Variants in MYH11 observed in about 807,000 individuals in gnomAD.
The protein encoded by MYH11 is myosin-11.
Under a neutral mutation model 246.6 loss-of-function variants are expected in MYH11, and 80 were observed. The ratio of observed to expected loss-of-function variants is 0.32; its 90% CI spans 0.27 to 0.39. The LOEUF (loss-of-function observed/expected upper bound fraction) is 0.39, where lower values mean the gene tolerates loss of function less well. Among genes scored for constraint, MYH11 ranks in the 10% least tolerant of loss-of-function variants. MYH11 has a pLI of 1.00. For synonymous variants in MYH11, 1,071 were observed against 1,015.5 expected (o/e 1.05, Z -1.04); for missense variants, 2,158 against 2,546.8 (o/e 0.85, Z 3.29).
chr16:15,760,751 C>T, intron 10 of MYH11, 93 bp from the exon 11 acceptor site: 1 of 920,136 alleles, frequency 1.1e-6, no homozygotes, highest in Non-Finnish European at 1.8e-6. Context: ...TCTGTGAATA[C>T]AGCGGGTTCT....
intron 28 of MYH11, chr16:15,725,959 C>T (rs2040732459): frequency 8.5e-6 from 3 of 353,688 alleles, no homozygotes; most frequent in Non-Finnish European, 1.0e-5. Context: ...GTACTATCTC[C>T]CCCTACCCCC....
intron 1 of MYH11, among the ~76,000 whole-genome samples, chr16:15,851,140 C>T (rs1477210081): frequency 3.9e-5 from 6 of 152,096 alleles, no homozygotes; most frequent in African/African-American, 1.4e-4. Flanking sequence ...ACACAATTCG[C>T]CAGCTGGAAG....
chr16:15,704,087 C>T lies in MYH11; in HGVS notation c.5823G>A (p.Arg1941=), dbSNP rs764375446. 27 of 1,614,022 alleles carry T rather than the reference C, an allele frequency of 1.7e-5. No individual in the cohort carries two copies. Among genetic ancestry groups the T allele is most frequent in the Non-Finnish European group, 1.9e-5 (22 of 1,180,046 alleles). The change falls in exon 41 of 41, where the codon AGG becomes AGA. Residue 1941 remains arginine (R), a synonymous_variant. Transcript: ENST00000300036. ...GNETSFVPSR[R]SGGRRVIENA... Reference sequence around the variant, plus strand: ...TTTCAATAACTCTACGTCCTCCAGACCTTCTAGAAGGAACGAAAGAGGTCT... The same window carrying T: ...TTTCAATAACTCTACGTCCTCCAGATCTTCTAGAAGGAACGAAAGAGGTCT...
At chr16:15,803,192 T>C (rs905719220) in intron 3 of MYH11, among the ~76,000 whole-genome samples, 1 of 151,808 alleles carries the variant, frequency 6.6e-6, no homozygotes, top group Non-Finnish European at 1.5e-5. Context: ...CATTATACTC[T>C]GGAGACAGAC....
At chr16:15,784,661 T>G (rs751435526) in intron 5 of MYH11, 5 of 1,612,478 alleles carry the variant, frequency 3.1e-6, no homozygotes, top group Non-Finnish European at 4.2e-6. Flanking sequence ...ACTCCGTGCC[T>G]CCCCTACACA....
intron 6 of MYH11, 83 bp downstream of exon 6, chr16:15,782,302 C>G (rs1247801352): frequency 8.3e-7 from 1 of 1,208,542 alleles, no homozygotes; most frequent in Admixed American, 1.7e-5. Context: ...CCCCTCCCAC[C>G]TCTGCACGCA....
intron 1 of MYH11, among the ~76,000 whole-genome samples, chr16:15,843,341 A>T (rs1225033431): frequency 6.6e-6 from 1 of 151,652 alleles, no homozygotes; most frequent in Non-Finnish European, 1.5e-5. Context: ...ACTGTACTCC[A>T]GCCTGGACAA....
chr16:15,754,928 C>CGTGG (rs2041671560), intron 14 of MYH11, among the ~76,000 whole-genome samples: 2 of 152,150 alleles, frequency 1.3e-5, no homozygotes, highest in South Asian at 4.1e-4. Flanking sequence ...TCAAGTAATC[C>CGTGG]ACCTGCCTTG....
chr16:15,706,379 T>G (rs1413318073), intron 40 of MYH11, among the ~76,000 whole-genome samples: 1 of 152,028 alleles, frequency 6.6e-6, no homozygotes, highest in East Asian at 1.9e-4. Flanking sequence ...CCCACACAGC[T>G]CTCTTCGTCA....
intron 3 of MYH11, among the ~76,000 whole-genome samples, chr16:15,817,095 C>A (rs533852610): frequency 2.1e-4 from 32 of 152,156 alleles, no homozygotes; most frequent in Non-Finnish European, 3.1e-4. Context: ...AAACCTCATA[C>A]ACTAGAAACC....
intron 4 of MYH11, among the ~76,000 whole-genome samples, chr16:15,789,080 C>T (rs2042550727): frequency 1.3e-5 from 2 of 152,108 alleles, no homozygotes; most frequent in South Asian, 4.1e-4. Flanking sequence ...CCTCTTCCTG[C>T]TTCCATGTTA....
chr16:15,794,053 C>T (rs1188969454), intron 4 of MYH11, among the ~76,000 whole-genome samples: 1 of 149,248 alleles, frequency 6.7e-6, no homozygotes, highest in Non-Finnish European at 1.5e-5. Flanking sequence ...ACACCATTCT[C>T]CTGCCTCAGC....
chr16:15,727,009 T>C lies in MYH11; in HGVS notation c.3697A>G (p.Asn1233Asp), dbSNP rs2040799314. ...DKNKQTLEKE[N>D]ADLAGELRVL... ...CGCAGCTCCCCGGCCAGGTCTGCGTTCTCTTTCTCCAGCGTCTGCTTATTC... is the reference window on the plus strand; with the variant it reads ...CGCAGCTCCCCGGCCAGGTCTGCGTCCTCTTTCTCCAGCGTCTGCTTATTC... The change falls in exon 28 of 41, where the codon AAC becomes GAC. Residue 1233 changes from asparagine to aspartate, a missense_variant. Physicochemically the swap from Asn to Asp is conservative, Grantham distance 23 (BLOSUM62 1). Around this residue, in one of 11 missense-constraint regions of MYH11, gnomAD observed 1,013 missense variants for 993.5 expected, o/e 1.02. Coordinates refer to ENST00000300036, the MANE Select transcript of MYH11 (RefSeq NM_002474.3). 6.2e-7 allele frequency: 1 copy of C among 1,611,860 alleles called. No homozygotes were observed.
chr16:15,703,952 T>C lies in MYH11; in HGVS notation c.*39A>G. The C allele has an allele frequency of 6.2e-7, 1 of 1,613,690 alleles. No homozygotes were observed. The highest frequency in any genetic ancestry group is 8.5e-7 in the Non-Finnish European group (1 of 1,179,804). On this transcript the variant is annotated 3_prime_UTR_variant, in exon 41 of 41. Coordinates refer to ENST00000300036, the MANE Select transcript of MYH11 (RefSeq NM_002474.3). The stretch of plus-strand genomic sequence containing the variant: ...TTTTTTTGTTTGTTTGTTTTGGTTT[T>C]TGGTTTTCTTGCCGTGGTGCAAAAC...
rs114523480 is a variant in MYH11, at chr16:15,804,177, T to G, written c.503-5490A>C. 2.4e-3 allele frequency among the ~76,000 whole-genome samples: 370 copies of G among 152,254 alleles called. 1 individual carries two copies. Among genetic ancestry groups the G allele is most frequent in the African/African-American group, 8.6e-3 (358 of 41,544 alleles). ...TCTGGCCTAATCCATTCTCTCTCTCTCTCTCTTTTTTCCTTCCATTGAGGT... is the reference window on the plus strand; with the variant it reads ...TCTGGCCTAATCCATTCTCTCTCTCGCTCTCTTTTTTCCTTCCATTGAGGT... On this transcript the variant is annotated intron_variant, in intron 3 of 40. Transcript: ENST00000300036.
intron 40 of MYH11, among the ~76,000 whole-genome samples, chr16:15,710,692 TTTTTTTG>T (rs986363394): frequency 1.6e-4 from 25 of 151,892 alleles, no homozygotes; most frequent in African/African-American, 5.5e-4. Context: ...TTTTTTGTTT[TTTTTTTG>T]GAGACAGAGT....
chr16:15,720,195 T>C lies in MYH11; in HGVS notation c.4909A>G (p.Ile1637Val), dbSNP rs2040392259. 1.2e-6 allele frequency: 2 copies of C among 1,614,156 alleles called. No individual in the cohort carries two copies. Among genetic ancestry groups the C allele is most frequent in the South Asian group, 2.2e-5 (2 of 91,084 alleles). The change falls in exon 34 of 41, where the codon ATC (isoleucine) becomes GTC (valine). Residue 1637 changes from isoleucine (I) to valine (V), a missense_variant. Physicochemically the swap from Ile to Val is conservative, Grantham distance 29 (BLOSUM62 3). This residue lies in a region of MYH11 where 1,013 missense variants were observed against 993.5 expected (regional missense o/e 1.02). Transcript: ENST00000300036. ...KDLELQADSAIKGREEAIKQL... is the reference protein window; with the variant it reads ...KDLELQADSAVKGREEAIKQL... ...TTGATGGCTTCCTCCCTCCCCTTGATGGCAGAGTCGGCCTGAAGCTCCAGG... is the reference window on the plus strand; with the variant it reads ...TTGATGGCTTCCTCCCTCCCCTTGACGGCAGAGTCGGCCTGAAGCTCCAGG...
At chr16:15,716,750 G>C (rs2040171721) in intron 38 of MYH11, among the ~76,000 whole-genome samples, 2 of 152,152 alleles carry the variant, frequency 1.3e-5, no homozygotes, top group Non-Finnish European at 2.9e-5. Flanking sequence ...CTGACCTCAA[G>C]TGATCCACCT....
intron 2 of MYH11, among the ~76,000 whole-genome samples, chr16:15,836,724 T>C (rs9924699): frequency 5.3e-5 from 7 of 132,604 alleles, no homozygotes; most frequent in East Asian, 2.0e-4. Flanking sequence ...TGTTTCTTTT[T>C]TTTTTTTTTT....
Sources: gnomAD v4.1 joint callset for allele counts (sites outside exome capture counted in the v4.1 genomes callset) on GRCh38, gnomAD v4.1.1 for gene constraint, gnomAD v4.1.1 regional missense constraint, MANE v1.5 for transcripts, NCBI Gene and HGNC (gene_info 2026-07-23, HGNC 2026-07-21) for gene names.